SNX14: variants seen among roughly 807,000 people sequenced by gnomAD.
SNX14 encodes the protein sorting nexin-14.
Under a neutral mutation model 133.8 loss-of-function variants are expected in SNX14, and 93 were observed. The observed-to-expected ratio is 0.70, with a 90% CI of 0.59 to 0.83. The LOEUF (loss-of-function observed/expected upper bound fraction) is 0.83. SNX14 is among the 40% of genes least tolerant of loss of function. The pLI is 0.00. For synonymous variants in SNX14, 368 were observed against 365.6 expected, an observed-to-expected ratio of 1.01 and a Z score of -0.07; for missense variants, 945 against 1,094.9, an observed-to-expected ratio of 0.86 and a Z score of 1.93.
intron 21 of SNX14, 29 bp from the exon 22 acceptor site, chr6:85,518,077 G>T: frequency 1.3e-6 from 2 of 1,567,626 alleles, no homozygotes. Context: ...CATTATTTTA[G>T]GAAGGCATAA....
intron 2 of SNX14, among the ~76,000 whole-genome samples, chr6:85,572,809 A>G (rs1260928098): frequency 6.6e-6 from 1 of 152,082 alleles, no homozygotes; most frequent in African/African-American, 2.4e-5. Flanking sequence ...AAATTCAAAA[A>G]TTAGACAGGT....
chr6:85,556,133 T>A (rs1417021527), intron 7 of SNX14, among the ~76,000 whole-genome samples: 1 of 152,230 alleles, frequency 6.6e-6, no homozygotes, highest in Non-Finnish European at 1.5e-5. Flanking sequence ...ACATGAGAAC[T>A]CACTGTACTT....
intron 1 of SNX14, chr6:85,581,270 A>T (rs1313479538): frequency 1.3e-5 from 2 of 152,224 alleles, no homozygotes; most frequent in East Asian, 3.8e-4. Context: ...TGCAAGAACC[A>T]CAGCGTTACT....
chr6:85,512,826 G>A (rs531623667), intron 26 of SNX14, among the ~76,000 whole-genome samples: 1 of 152,132 alleles, frequency 6.6e-6, no homozygotes, highest in African/African-American at 2.4e-5. Context: ...ACCTTGGGGG[G>A]CAGTGGCTTG....
intron 23 of SNX14, among the ~76,000 whole-genome samples, 187 bp from the exon 24 acceptor site, chr6:85,514,816 T>C (rs1054752726): frequency 8.5e-5 from 13 of 152,256 alleles, no homozygotes; most frequent in African/African-American, 3.1e-4. Context: ...AAAAAATACA[T>C]GTTCCCCAAA....
chr6:85,592,663 T>G (rs1377877009), intron 1 of SNX14, among the ~76,000 whole-genome samples: 2 of 152,120 alleles, frequency 1.3e-5, no homozygotes, highest in African/African-American at 2.4e-5. Flanking sequence ...CAGGTTTTTT[T>G]GGGGAGGGTG....
intron 18 of SNX14, among the ~76,000 whole-genome samples, chr6:85,532,669 C>T (rs753737019): frequency 2.6e-5 from 4 of 152,066 alleles, no homozygotes; most frequent in Non-Finnish European, 5.9e-5. Context: ...CACTCACTGC[C>T]CCACTTCTTG....
At chr6:85,548,609 A>C (rs889061500) in intron 8 of SNX14, among the ~76,000 whole-genome samples, 1 of 152,184 alleles carries the variant, frequency 6.6e-6, no homozygotes, top group African/African-American at 2.4e-5. Context: ...CTTGGCTAAA[A>C]TAGAATATTA....
At chr6:85,550,921 C>T (rs1380679495) in intron 7 of SNX14, among the ~76,000 whole-genome samples, 1 of 152,026 alleles carries the variant, frequency 6.6e-6, no homozygotes, top group Non-Finnish European at 1.5e-5. Flanking sequence ...GCTGGGATTA[C>T]AGGCACCGGC....
At chr6:85,549,194 T>C (rs1786889917) in intron 8 of SNX14, among the ~76,000 whole-genome samples, 1 of 152,026 alleles carries the variant, frequency 6.6e-6, no homozygotes, top group South Asian at 2.1e-4. Context: ...TCACTTTAAA[T>C]ATCACTAAAA....
intron 12 of SNX14, among the ~76,000 whole-genome samples, chr6:85,545,427 A>G (rs192992456): frequency 1.3e-5 from 2 of 152,304 alleles, no homozygotes; most frequent in East Asian, 3.9e-4. Context: ...TACATTAAAC[A>G]TTTCAATCAG....
At chr6:85,562,189 C>T (rs1004389470) in intron 6 of SNX14, among the ~76,000 whole-genome samples, 2 of 152,148 alleles carry the variant, frequency 1.3e-5, no homozygotes, top group South Asian at 4.1e-4. Context: ...TTTATGGCTG[C>T]GTGGTATTCC....
At chr6:85,511,993 C>T (rs1182738297) in intron 26 of SNX14, among the ~76,000 whole-genome samples, 2 of 152,132 alleles carry the variant, frequency 1.3e-5, no homozygotes, top group Non-Finnish European at 2.9e-5. Context: ...TTTTAGTGAG[C>T]TTGTACCACT....
chr6:85,561,818 CTTTTTTG>C lies in SNX14; in HGVS notation c.549+3507_549+3513del, dbSNP rs554826315. ...TTCCAGCCTGTTCATTTGCCTGTTT[CTTTTTTG>C]TTTTTTTTTTTTTCCTTTTTCTTTC... On this transcript the variant is annotated intron_variant, in intron 6 of 28. Transcript: ENST00000314673. Among the ~76,000 whole-genome samples the C allele has an allele frequency of 7.4e-3, 1,104 of 149,144 alleles. 10 individuals are homozygous for C. Among genetic ancestry groups the C allele is most frequent in the African/African-American group, 0.025 (1,017 of 40,694 alleles).
rs772847940 is a variant in SNX14, at chr6:85,545,807, C to T, written c.1108+1305G>A. Among the ~76,000 whole-genome samples the T allele has an allele frequency of 5.9e-5, 9 of 152,186 alleles. No individual in the cohort carries two copies. In the East Asian group the frequency reaches 1.7e-3, roughly 29 times the overall value. ...CAAACAATTCTCCTGCCTCAGCCTC[C>T]TGAGTAGCTGCGATTACAGGCATGA... On this transcript the variant is annotated intron_variant, in intron 12 of 28. Coordinates refer to ENST00000314673, the MANE Select transcript of SNX14 (RefSeq NM_153816.6).
chr6:85,547,087 C>A, intron 12 of SNX14, 25 bp downstream of exon 12: 1 of 1,549,166 alleles, frequency 6.5e-7, no homozygotes, highest in Non-Finnish European at 8.8e-7. Flanking sequence ...AAATTACTTT[C>A]GTAAAATACA....
chr6:85,531,555 A>G (rs1780312648), intron 18 of SNX14, among the ~76,000 whole-genome samples: 1 of 152,188 alleles, frequency 6.6e-6, no homozygotes, highest in African/African-American at 2.4e-5. Flanking sequence ...ACTGGTCTTA[A>G]AAGATCCATA....
intron 16 of SNX14, among the ~76,000 whole-genome samples, chr6:85,538,329 A>T (rs536235082): frequency 6.6e-6 from 1 of 152,258 alleles, no homozygotes; most frequent in East Asian, 1.9e-4. Context: ...ATTTCCCAAG[A>T]CATAAAAATG....
chr6:85,511,853 A>T (rs1403602598), intron 26 of SNX14, among the ~76,000 whole-genome samples: 1 of 152,154 alleles, frequency 6.6e-6, no homozygotes, highest in South Asian at 2.1e-4. Context: ...TATGTCTTGT[A>T]ATTTTTTTCT....
Sources: gnomAD v4.1 joint callset for allele counts (sites outside exome capture counted in the v4.1 genomes callset) on GRCh38, gnomAD v4.1.1 for gene constraint, MANE v1.5 for transcripts, NCBI Gene and HGNC (gene_info 2026-07-23, HGNC 2026-07-21) for gene names.